INSC: variants seen among roughly 807,000 people sequenced by gnomAD.
INSC encodes protein inscuteable homolog.
INSC carries 67 observed loss-of-function variants against 58.6 expected under a neutral mutation model. That is an observed-to-expected ratio of 1.14 (90% CI 0.94 to 1.40). The LOEUF (loss-of-function observed/expected upper bound fraction) is 1.40, where lower values mean the gene tolerates loss of function less well. Among genes scored for constraint, INSC ranks in the 40% most tolerant of loss-of-function variants. The pLI is 0.00. For synonymous variants in INSC, 262 were observed against 276.1 expected (o/e 0.95, Z 0.51); for missense variants, 714 against 692.0 (o/e 1.03, Z -0.36).
chr11:15,142,141 G>A lies in INSC; in HGVS notation c.-45-6989G>A, dbSNP rs116205871. 4.4e-3 allele frequency among the ~76,000 whole-genome samples: 672 copies of A among 152,252 alleles called. 3 individuals carry two copies. Among genetic ancestry groups the A allele is most frequent in the African/African-American group, 0.015 (642 of 41,542 alleles). The stretch of plus-strand genomic sequence containing the variant: ...CTCGCTATGGCTCACACTGCTCTTG[G>A]CACTGAATGCCCTTGTCCCATCTTC... On this transcript the variant is annotated intron_variant, in intron 1 of 12. Transcript: ENST00000379556.
At chr11:15,268,419 T>C in the INSC span, among the ~76,000 whole-genome samples, 4 of 152,074 alleles carry the variant, frequency 2.6e-5, no homozygotes, top group Non-Finnish European at 4.4e-5. Flanking sequence ...GACTATGAAA[T>C]AGACTCAGAC....
chr11:15,140,577 TTTC>T (rs1848345711), intron 1 of INSC, among the ~76,000 whole-genome samples: 1 of 151,724 alleles, frequency 6.6e-6, no homozygotes. Flanking sequence ...GATTTCTTTC[TTTC>T]TTCTTTTTTT....
chr11:15,248,340 G>C (rs555972772), downstream of INSC, among the ~76,000 whole-genome samples: 10 of 152,260 alleles, frequency 6.6e-5, no homozygotes, highest in South Asian at 2.1e-3. Context: ...TCATATTAAG[G>C]TGCAATTTTA....
intron 1 of INSC, among the ~76,000 whole-genome samples, chr11:15,148,246 C>T (rs758491337): frequency 2.6e-5 from 4 of 152,156 alleles, no homozygotes; most frequent in South Asian, 2.1e-4. Flanking sequence ...CTGACTTAAA[C>T]GACAAGAGCT....
intron 2 of INSC, among the ~76,000 whole-genome samples, chr11:15,156,003 G>A (rs142321281): frequency 3.9e-5 from 6 of 152,206 alleles, no homozygotes; most frequent in Non-Finnish European, 7.4e-5. Context: ...TGAAGGAGGC[G>A]GTCCACAAGG....
At chr11:15,131,723 C>T (rs923812506) in intron 1 of INSC, among the ~76,000 whole-genome samples, 3 of 151,996 alleles carry the variant, frequency 2.0e-5, no homozygotes, top group African/African-American at 4.8e-5. Flanking sequence ...TCTTCATTGC[C>T]TTAAAGTTTG....
the INSC span, among the ~76,000 whole-genome samples, chr11:15,255,736 A>ATGTGTGTATGTGTGTGTG: frequency 6.8e-6 from 1 of 147,912 alleles, no homozygotes; most frequent in African/African-American, 2.5e-5. Context: ...AAGTGTGTGT[A>ATGTGTGTATGTGTGTGTG]TGTGTGTGTG....
intron 5 of INSC, among the ~76,000 whole-genome samples, chr11:15,182,471 GAA>G (rs201080965): frequency 6.6e-6 from 1 of 152,076 alleles, no homozygotes; most frequent in African/African-American, 2.4e-5. Flanking sequence ...CATATATGGG[GAA>G]AAAAATGCCT....
intron 5 of INSC, among the ~76,000 whole-genome samples, chr11:15,187,846 G>A (rs74323453): frequency 1.3e-5 from 2 of 152,008 alleles, no homozygotes; most frequent in South Asian, 2.1e-4. Context: ...TTTTTGAAAC[G>A]TCTCCAATGT....
chr11:15,214,851 T>A (rs1043430303), intron 7 of INSC, among the ~76,000 whole-genome samples: 12 of 152,210 alleles, frequency 7.9e-5, no homozygotes, highest in Admixed American at 4.6e-4. Flanking sequence ...TTCAGCTTTA[T>A]GCCCCCCACC....
intron 7 of INSC, among the ~76,000 whole-genome samples, chr11:15,213,426 G>T (rs775034674): frequency 2.6e-5 from 4 of 152,290 alleles, no homozygotes; most frequent in South Asian, 4.2e-4. Context: ...CTAGAAGCAG[G>T]TTGGGTACAA....
intron 6 of INSC, among the ~76,000 whole-genome samples, chr11:15,192,286 A>T (rs1850207728): frequency 6.6e-6 from 1 of 152,236 alleles, no homozygotes. Flanking sequence ...CAGAGAAGGC[A>T]CAAGGGCATA....
rs76310204 is a variant in INSC, at chr11:15,151,608, G to C, written c.56+2378G>C. 5.0e-5 allele frequency among the ~76,000 whole-genome samples: 4 copies of C among 79,268 alleles called. No homozygotes were observed. The South Asian group carries it at 1.8e-3, about 36-fold the overall frequency. The allele number at this position is 79,268 out of a possible 152,430, so 52.0% of individuals were successfully genotyped here. ...CTCCTATCTTTCCATCTGGGATGCT[G>C]ATCTTCTTGTTGGTTCTGGGCATGG... is the stretch of plus-strand genomic sequence containing the variant. On this transcript the variant is annotated intron_variant, in intron 2 of 12. Transcript: ENST00000379556.
At chr11:15,267,709 A>G in the INSC span, among the ~76,000 whole-genome samples, 1 of 151,938 alleles carries the variant, frequency 6.6e-6, no homozygotes, top group East Asian at 1.9e-4. Flanking sequence ...GTTCTATGCT[A>G]ATTCAATCTT....
At chr11:15,250,272 C>T (rs556723202), downstream of INSC, among the ~76,000 whole-genome samples, 2 of 152,296 alleles carry the variant, frequency 1.3e-5, no homozygotes, top group African/African-American at 4.8e-5. Context: ...GGCTTTGTAC[C>T]TCTATGAGCT....
intron 2 of INSC, among the ~76,000 whole-genome samples, chr11:15,174,951 G>T (rs1849523463): frequency 6.6e-6 from 1 of 152,114 alleles, no homozygotes; most frequent in Non-Finnish European, 1.5e-5. Context: ...ACTTTTACTT[G>T]ACTCAGTGAA....
At position 15,178,348 on chromosome 11, in the gene INSC, T is replaced by C. The variant is rs1849645527; in HGVS notation, c.480T>C (p.His160=). The C allele has an allele frequency of 6.2e-7, 1 of 1,613,910 alleles. No individual in the cohort carries two copies. Among genetic ancestry groups the C allele is most frequent in the Admixed American group, 1.7e-5 (1 of 60,000 alleles). The change falls in exon 5 of 13, where the codon CAT becomes CAC. Residue 160 remains histidine, a synonymous_variant. Transcript: ENST00000379556. ...GGTGCCTTCAGGTTGAGAATGAGCA[T>C]GTCCTGAAGTCAATGAAGGCCTGCG... ...TERCLQVENE[H]VLKSMKACVS...
At chr11:15,113,330 T>G (rs1847620365), upstream of INSC, among the ~76,000 whole-genome samples, 1 of 151,848 alleles carries the variant, frequency 6.6e-6, no homozygotes, top group Non-Finnish European at 1.5e-5. Flanking sequence ...CCAGTTAATT[T>G]TTGTATTATT....
At chr11:15,125,256 C>T (rs561360592) in intron 1 of INSC, among the ~76,000 whole-genome samples, 26 of 152,170 alleles carry the variant, frequency 1.7e-4, no homozygotes, top group African/African-American at 5.8e-4. Context: ...AAGAGCCTGC[C>T]GGTCCATGTG....
Sources: gnomAD v4.1 joint callset for allele counts (sites outside exome capture counted in the v4.1 genomes callset) on GRCh38, gnomAD v4.1.1 for gene constraint, MANE v1.5 for transcripts, NCBI Gene and HGNC (gene_info 2026-07-23, HGNC 2026-07-21) for gene names.